The following CDH2 variants were observed in gnomAD, a reference collection of about 807,000 sequenced individuals.
CDH2 encodes the protein cadherin-2.
A neutral mutation model predicts 92.0 loss-of-function variants in CDH2; 17 were observed. The observed-to-expected ratio is 0.18, with a 90% confidence interval of 0.13 to 0.28. The LOEUF is 0.28. Among genes scored for constraint, CDH2 ranks in the 10% least tolerant of loss-of-function variants. The pLI, the probability that CDH2 is intolerant of heterozygous loss-of-function variation, is 1.00. For missense variants in CDH2, 862 were observed against 1,133.1 expected, an observed-to-expected ratio of 0.76 and a Z score of 3.44; for synonymous variants, 419 against 415.9, an observed-to-expected ratio of 1.01 and a Z score of -0.09.
chr18:27,965,115 G>T (rs2011502945), intron 14 of CDH2, among the ~76,000 whole-genome samples: 1 of 152,216 alleles, frequency 6.6e-6, no homozygotes, highest in Non-Finnish European at 1.5e-5. Context: ...GAAACAGGTT[G>T]AGTAACTTGC....
chr18:28,025,623 G>A (rs1349982182), intron 2 of CDH2, among the ~76,000 whole-genome samples: 1 of 151,098 alleles, frequency 6.6e-6, no homozygotes, highest in African/African-American at 2.4e-5. Context: ...AATTTTAATT[G>A]ACACATAATT....
intron 2 of CDH2, among the ~76,000 whole-genome samples, chr18:28,034,320 C>G (rs2144091496): frequency 6.6e-6 from 1 of 152,220 alleles, no homozygotes; most frequent in East Asian, 1.9e-4. Context: ...AAGCTCTGCT[C>G]AAGTTCTGTT....
At chr18:28,144,564 A>AAT (rs2016005720) in intron 2 of CDH2, among the ~76,000 whole-genome samples, 1 of 152,022 alleles carries the variant, frequency 6.6e-6, no homozygotes, top group Non-Finnish European at 1.5e-5. Flanking sequence ...CCCCCAAAAA[A>AAT]ATCCCTAAAG....
At chr18:28,039,540 A>G (rs1284384795) in intron 2 of CDH2, among the ~76,000 whole-genome samples, 1 of 152,192 alleles carries the variant, frequency 6.6e-6, no homozygotes, top group Non-Finnish European at 1.5e-5. Flanking sequence ...AGGTCCCACA[A>G]CTGTCAGACA....
intron 2 of CDH2, among the ~76,000 whole-genome samples, chr18:28,130,216 G>A (rs1470476226): frequency 6.6e-6 from 1 of 152,198 alleles, no homozygotes; most frequent in East Asian, 1.9e-4. Flanking sequence ...CTGTGGGCAT[G>A]AGCAAGTCCT....
intron 15 of CDH2, among the ~76,000 whole-genome samples, chr18:27,960,719 G>A (rs533583902): frequency 2.6e-5 from 4 of 152,260 alleles, no homozygotes; most frequent in African/African-American, 7.2e-5. Flanking sequence ...ATCTTACATT[G>A]AGCTCAAGAT....
At chr18:28,109,241 A>G (rs968727508) in intron 2 of CDH2, among the ~76,000 whole-genome samples, 2 of 152,232 alleles carry the variant, frequency 1.3e-5, no homozygotes, top group African/African-American at 4.8e-5. Flanking sequence ...GTATTTTAGT[A>G]GACTGGCCTG....
chr18:28,120,138 T>A (rs2015562666), intron 2 of CDH2, among the ~76,000 whole-genome samples: 1 of 152,052 alleles, frequency 6.6e-6, no homozygotes, highest in African/African-American at 2.4e-5. Context: ...ATAAACCAAG[T>A]GAACAAAAAC....
In CDH2 at chr18:27,993,403, AAGT is replaced by A. The variant is rs567463709; in HGVS notation, c.1158+94_1158+96del. 4.5e-4 allele frequency: 551 copies of A among 1,212,152 alleles called. 1 individual carries two copies. The African/African-American group carries it at 6.1e-3, about 13-fold the overall frequency. The allele number at this position is 1,212,152 out of a possible 1,614,324, so 75.1% of individuals were successfully genotyped here. On this transcript the variant is annotated intron_variant, in intron 8 of 15. Coordinates refer to ENST00000269141, the MANE Select transcript of CDH2 (RefSeq NM_001792.5). ...CAGCCATGCTACTATTAGGTGAAGC[AAGT>A]TCCACCTCTATTTAACACATTTATT...
At chr18:28,113,824 GCTGAGTAATTTATAAAAGA>G (rs1184987628) in intron 2 of CDH2, among the ~76,000 whole-genome samples, 5 of 151,974 alleles carry the variant, frequency 3.3e-5, no homozygotes, top group Admixed American at 2.0e-4. Flanking sequence ...TCCATAAAAG[GCTGAGTAATTTATAAAAGA>G]CTGAGTAATT....
intron 14 of CDH2, among the ~76,000 whole-genome samples, chr18:27,974,211 T>C (rs17493283): frequency 0.024 from 3,673 of 152,288 alleles, 149 homozygotes; most frequent in African/African-American, 0.083. Flanking sequence ...TACTTATTAC[T>C]GTATAATTCA....
rs532496919 is a variant in CDH2, at chr18:28,141,577, C to A, written c.172+6096G>T. 2.6e-4 allele frequency among the ~76,000 whole-genome samples: 39 copies of A among 150,606 alleles called. 1 individual carries two copies. The highest frequency in any genetic ancestry group is 3.0e-4 in the Non-Finnish European group (20 of 67,398). On this transcript the variant is annotated intron_variant, in intron 2 of 15. Coordinates refer to ENST00000269141, the MANE Select transcript of CDH2 (RefSeq NM_001792.5). The stretch of plus-strand genomic sequence containing the variant: ...ATCTAATCCCTTCTTCTAATTCCAC[C>A]GCTACCACTTTGATCCACACCACCT...
intron 5 of CDH2, among the ~76,000 whole-genome samples, chr18:28,008,176 T>C (rs1017059903): frequency 9.8e-5 from 15 of 152,348 alleles, no homozygotes; most frequent in Middle Eastern, 6.8e-3. Context: ...TTAAGAATTT[T>C]AAATTGATCT....
At chr18:28,037,367 G>A (rs2013855219) in intron 2 of CDH2, among the ~76,000 whole-genome samples, 1 of 152,124 alleles carries the variant, frequency 6.6e-6, no homozygotes, top group Non-Finnish European at 1.5e-5. Flanking sequence ...CAGCATGAAG[G>A]CAGAGCTACT....
At chr18:28,155,408 AC>A (rs2016192638) in intron 1 of CDH2, among the ~76,000 whole-genome samples, 1 of 152,210 alleles carries the variant, frequency 6.6e-6, no homozygotes, top group Non-Finnish European at 1.5e-5. Flanking sequence ...GATTGTGGAG[AC>A]TTTTATCTCT....
At chr18:28,120,439 T>C (rs1197955666) in intron 2 of CDH2, among the ~76,000 whole-genome samples, 1 of 152,116 alleles carries the variant, frequency 6.6e-6, no homozygotes, top group Non-Finnish European at 1.5e-5. Flanking sequence ...TTCAATAATA[T>C]ATCCATATAT....
chr18:28,150,740 A>G (rs1318399091), intron 1 of CDH2, among the ~76,000 whole-genome samples: 1 of 152,226 alleles, frequency 6.6e-6, no homozygotes, highest in Non-Finnish European at 1.5e-5. Flanking sequence ...CATACTTTGA[A>G]TAATTTCATA....
intron 2 of CDH2, among the ~76,000 whole-genome samples, chr18:28,055,702 C>A (rs1267006243): frequency 2.0e-5 from 3 of 152,076 alleles, no homozygotes; most frequent in Non-Finnish European, 4.4e-5. Context: ...TATGAAATGT[C>A]TGAGTAATTT....
chr18:28,095,738 A>T lies in CDH2; in HGVS notation c.172+51935T>A, dbSNP rs528672637. On this transcript the variant is annotated intron_variant, in intron 2 of 15. Coordinates refer to ENST00000269141, the MANE Select transcript of CDH2 (RefSeq NM_001792.5). ...GGCAGGAGAATCACTTGAACACATT[A>T]GGTGGAGATTGCAGTGAGCTGAGAT... Among the ~76,000 whole-genome samples, 12 of 143,850 alleles carry T rather than the reference A, an allele frequency of 8.3e-5. No individual in the cohort carries two copies. The South Asian group carries it at 1.8e-3, about 22-fold the overall frequency. 94.4% of individuals were successfully genotyped at this position (143,850 alleles called of 152,430 possible).
Sources: gnomAD v4.1 joint callset for allele counts (sites outside exome capture counted in the v4.1 genomes callset) on GRCh38, gnomAD v4.1.1 for gene constraint, MANE v1.5 for transcripts, NCBI Gene and HGNC (gene_info 2026-07-23, HGNC 2026-07-21) for gene names.